Variants in AHCYL2 observed in about 807,000 individuals in gnomAD.
AHCYL2 encodes the protein S-adenosylhomocysteine hydrolase-like protein 2.
Under a neutral mutation model 81.4 loss-of-function variants are expected in AHCYL2, and 28 were observed. The observed-to-expected ratio is 0.34, with a 90% CI of 0.25 to 0.47. The LOEUF is 0.47. Among genes scored for constraint, AHCYL2 ranks in the 20% least tolerant of loss-of-function variants. The probability of loss-of-function intolerance (pLI) is 1.00; values close to 1 mark genes in which losing one functional copy is unlikely to be tolerated. For missense variants in AHCYL2, 551 were observed against 785.1 expected (o/e 0.70, Z 3.56); for synonymous variants, 272 against 290.2 (o/e 0.94, Z 0.64).
At chr7:129,312,857 A>G (rs970669399) in intron 1 of AHCYL2, among the ~76,000 whole-genome samples, 5 of 152,106 alleles carry the variant, frequency 3.3e-5, no homozygotes, top group Non-Finnish European at 5.9e-5. Flanking sequence ...TCAGACTTAC[A>G]TCACCCCATA....
chr7:129,246,944 A>G (rs1795084048), intron 1 of AHCYL2, among the ~76,000 whole-genome samples: 1 of 152,200 alleles, frequency 6.6e-6, no homozygotes. Context: ...TTATATGGCT[A>G]TACCACATTT....
chr7:129,267,048 A>G (rs1327336426), intron 1 of AHCYL2, among the ~76,000 whole-genome samples: 3 of 152,202 alleles, frequency 2.0e-5, no homozygotes, highest in African/African-American at 7.2e-5. Context: ...AGCAGCCATC[A>G]GAAATGATGT....
At chr7:129,390,661 G>A (rs1204083663) in intron 4 of AHCYL2, among the ~76,000 whole-genome samples, 1 of 152,172 alleles carries the variant, frequency 6.6e-6, no homozygotes, top group East Asian at 1.9e-4. Context: ...AAAGCTGATA[G>A]CAAGATGCTT....
chr7:129,273,321 C>CTTTTTTTTTTTTTT (rs35236990), intron 1 of AHCYL2, among the ~76,000 whole-genome samples: 1 of 75,896 alleles, frequency 1.3e-5, no homozygotes, highest in Admixed American at 2.2e-4. Context: ...TTTGCTAAGA[C>CTTTTTTTTTTTTTT]TTTTTTTTTT....
chr7:129,278,115 A>G (rs1048593101), intron 1 of AHCYL2, among the ~76,000 whole-genome samples: 27 of 152,202 alleles, frequency 1.8e-4, no homozygotes, highest in African/African-American at 6.5e-4. Flanking sequence ...TGATTAGCAT[A>G]AAATAGTATT....
At chr7:129,413,513 T>A (rs1458558023) in intron 11 of AHCYL2, 81 bp from the exon 12 acceptor site, 7 of 1,084,582 alleles carry the variant, frequency 6.5e-6, no homozygotes. Context: ...CCCTCATCAG[T>A]TATATGATTT....
chr7:129,244,002 C>CT (rs985159135), intron 1 of AHCYL2, among the ~76,000 whole-genome samples: 5 of 148,894 alleles, frequency 3.4e-5, no homozygotes, highest in African/African-American at 7.4e-5. Flanking sequence ...TTTTTTTGTG[C>CT]TTTTTTTTGG....
At chr7:129,383,757 G>A (rs758864215) in intron 2 of AHCYL2, among the ~76,000 whole-genome samples, 50 of 151,968 alleles carry the variant, frequency 3.3e-4, no homozygotes, top group Non-Finnish European at 6.3e-4. Flanking sequence ...TTTGAAACAC[G>A]CCATGCACTC....
chr7:129,278,572 A>C (rs1438566739), intron 1 of AHCYL2, among the ~76,000 whole-genome samples: 1 of 152,104 alleles, frequency 6.6e-6, no homozygotes, highest in Non-Finnish European at 1.5e-5. Context: ...CATGAAGCCC[A>C]ATTTATCAAT....
chr7:129,312,154 G>T (rs1284515569), intron 1 of AHCYL2, among the ~76,000 whole-genome samples: 3 of 151,626 alleles, frequency 2.0e-5, no homozygotes, highest in Non-Finnish European at 4.4e-5. Flanking sequence ...GCGTGATCAC[G>T]GCTCACTGTA....
Position 129,427,188 on chromosome 7 carries a change from T to C in AHCYL2, c.*143T>C. On this transcript the variant is annotated 3_prime_UTR_variant, in exon 17 of 17. Transcript: ENST00000325006. The surrounding 1 kb of genome is among the most constrained non-coding windows in gnomAD (Gnocchi z 5.5). Reference sequence around the variant, plus strand: ...CCCTGTGTGTTAGGTTATTTATTTATTAAAATCAAGAATCCTGTGCCTGTA... The same window carrying C: ...CCCTGTGTGTTAGGTTATTTATTTACTAAAATCAAGAATCCTGTGCCTGTA... 1.1e-6 allele frequency: 1 copy of C among 871,874 alleles called. No homozygotes were observed. Among genetic ancestry groups the C allele is most frequent in the Non-Finnish European group, 1.7e-6 (1 of 571,818 alleles). The allele number at this position is 871,874 out of a possible 1,614,324, so 54.0% of individuals were successfully genotyped here.
At chr7:129,317,228 A>C (rs1448099258) in intron 1 of AHCYL2, among the ~76,000 whole-genome samples, 1 of 152,172 alleles carries the variant, frequency 6.6e-6, no homozygotes, top group South Asian at 2.1e-4. Context: ...TGTCTACAGA[A>C]GCCATCATGT....
Position 129,426,308 on chromosome 7 carries a change from C to T in AHCYL2, c.1709-135C>T, listed in dbSNP as rs1034510392. Reference sequence around the variant, plus strand: ...TTCCTTAGAATTGAGGACCAGTGAGCGAAGGTTGAACATTTTTCATTCAGC... The same window carrying T: ...TTCCTTAGAATTGAGGACCAGTGAGTGAAGGTTGAACATTTTTCATTCAGC... On this transcript the variant is annotated intron_variant, in intron 15 of 16. Coordinates refer to ENST00000325006, the MANE Select transcript of AHCYL2 (RefSeq NM_015328.4). The surrounding 1 kb of genome is among the most constrained non-coding windows in gnomAD (Gnocchi z 4.3). 5.6e-5 allele frequency: 76 copies of T among 1,350,416 alleles called. No homozygotes were observed. Among genetic ancestry groups the T allele is most frequent in the African/African-American group, 4.3e-5 (3 of 69,520 alleles). 83.7% of individuals were successfully genotyped at this position (1,350,416 alleles called of 1,614,324 possible).
chr7:129,238,967 T>G (rs1365037090), intron 1 of AHCYL2, among the ~76,000 whole-genome samples: 1 of 152,096 alleles, frequency 6.6e-6, no homozygotes, highest in African/African-American at 2.4e-5. Context: ...AAAAGAACCT[T>G]TGTGAGGTTT....
chr7:129,314,731 G>T (rs1344979010), intron 1 of AHCYL2, among the ~76,000 whole-genome samples: 2 of 152,180 alleles, frequency 1.3e-5, no homozygotes, highest in Non-Finnish European at 2.9e-5. Context: ...GGATGGGAGT[G>T]GGGTGGGGAC....
intron 1 of AHCYL2, among the ~76,000 whole-genome samples, chr7:129,280,085 A>T (rs955048463): frequency 1.3e-5 from 2 of 152,004 alleles, no homozygotes; most frequent in Non-Finnish European, 2.9e-5. Context: ...CTTGGTTCTA[A>T]TGCTTCTGAC....
At chr7:129,255,086 C>T (rs543334789) in intron 1 of AHCYL2, among the ~76,000 whole-genome samples, 1 of 151,648 alleles carries the variant, frequency 6.6e-6, no homozygotes, top group African/African-American at 2.4e-5. Context: ...CATGGTGAAC[C>T]CCCGTCTCTA....
intron 3 of AHCYL2, 55 bp from the exon 4 acceptor site, chr7:129,389,578 CT>C: frequency 7.1e-7 from 1 of 1,412,804 alleles, no homozygotes; most frequent in Non-Finnish European, 9.8e-7. Flanking sequence ...TCTGTTTGTT[CT>C]TTTATCTCTT....
At chr7:129,414,828 G>T (rs1213899563) in intron 12 of AHCYL2, among the ~76,000 whole-genome samples, 1 of 152,126 alleles carries the variant, frequency 6.6e-6, no homozygotes, top group African/African-American at 2.4e-5. Context: ...TTCTCTCTGG[G>T]TAACTGGCTT....
Sources: allele counts gnomAD v4.1 joint callset (sites outside exome capture counted in the v4.1 genomes callset), GRCh38; gene constraint gnomAD v4.1.1; non-coding constraint Gnocchi (gnomAD v3.1); transcripts MANE v1.5; gene names NCBI Gene and HGNC (gene_info 2026-07-23, HGNC 2026-07-21).